The following SASH1 variants were observed in gnomAD, a reference collection of about 807,000 sequenced individuals.
SASH1 encodes the protein SAM and SH3 domain-containing protein 1.
A neutral mutation model predicts 125.2 loss-of-function variants in SASH1; 44 were observed. The ratio of observed to expected loss-of-function variants is 0.35; its 90% CI spans 0.28 to 0.45. SASH1 has a LOEUF of 0.45. Ranked by LOEUF, SASH1 falls within the 20% of genes least tolerant of loss-of-function variation. The pLI, the probability that SASH1 is intolerant of heterozygous loss-of-function variation, is 1.00. For missense variants in SASH1, 1,426 were observed against 1,614.5 expected, an observed-to-expected ratio of 0.88 and a Z score of 2.00; for synonymous variants, 639 against 649.1, an observed-to-expected ratio of 0.98 and a Z score of 0.24.
At chr6:148,476,695 AG>A (rs1778377563) in intron 7 of SASH1, among the ~76,000 whole-genome samples, 1 of 152,160 alleles carries the variant, frequency 6.6e-6, no homozygotes, top group Non-Finnish European at 1.5e-5. Context: ...CCCCAAAAAA[AG>A]GAAGAAGAAA....
chr6:148,358,778 G>A (rs1179962116), intron 1 of SASH1, among the ~76,000 whole-genome samples: 1 of 120,032 alleles, frequency 8.3e-6, no homozygotes, highest in Non-Finnish European at 1.6e-5. Flanking sequence ...CTTCATCACC[G>A]AGGCTGGAGT....
At position 148,546,224 on chromosome 6, in the gene SASH1, C is replaced by T. The variant is rs571357439; in HGVS notation, c.3480+78C>T. 7.3e-4 allele frequency: 1,111 copies of T among 1,515,444 alleles called. 3 individuals are homozygous for T. The highest frequency in any genetic ancestry group is 8.6e-4 in the Non-Finnish European group (962 of 1,121,656). The allele number at this position is 1,515,444 out of a possible 1,614,324, so 93.9% of individuals were successfully genotyped here. ...TAGTGATGACCATACTAACAACTGC[C>T]AAGTAGGCAAGGGCTTGCGTAGCTA... On this transcript the variant is annotated intron_variant, in intron 19 of 19. Coordinates refer to ENST00000367467, the MANE Select transcript of SASH1 (RefSeq NM_015278.5).
chr6:148,331,327 TTTTG>T (rs200103945), intron 1 of SASH1, among the ~76,000 whole-genome samples: 3 of 152,018 alleles, frequency 2.0e-5, no homozygotes, highest in South Asian at 2.1e-4. Flanking sequence ...GAACTTGTGT[TTTTG>T]TTTGTTTGTT....
At chr6:148,248,237 T>C in the SASH1 span, among the ~76,000 whole-genome samples, 265 of 152,288 alleles carry the variant, frequency 1.7e-3, 1 homozygote, top group African/African-American at 6.0e-3. Flanking sequence ...AGAAGCTTGG[T>C]GAGGGTGGTA....
chr6:148,274,817 T>C (rs1353241428), intron 1 of SASH1, among the ~76,000 whole-genome samples: 2 of 152,180 alleles, frequency 1.3e-5, no homozygotes, highest in Non-Finnish European at 2.9e-5. Context: ...GATACCTGGA[T>C]TATAAATTTA....
chr6:148,493,063 A>G (rs1791645413), intron 8 of SASH1, among the ~76,000 whole-genome samples: 1 of 152,106 alleles, frequency 6.6e-6, no homozygotes, highest in South Asian at 2.1e-4. Context: ...CTGAAGAGTG[A>G]CTTCTCTTTT....
intron 1 of SASH1, among the ~76,000 whole-genome samples, chr6:148,330,917 A>G (rs1780977529): frequency 6.6e-6 from 1 of 152,132 alleles, no homozygotes; most frequent in African/African-American, 2.4e-5. Flanking sequence ...CCTAAGCAAA[A>G]AAGAGAAATA....
At chr6:148,520,942 T>TA (rs1780769212) in intron 10 of SASH1, among the ~76,000 whole-genome samples, 1 of 152,260 alleles carries the variant, frequency 6.6e-6, no homozygotes, top group Non-Finnish European at 1.5e-5. Context: ...TTTTTTGTTT[T>TA]ACTTAAGTCT....
the SASH1 span, among the ~76,000 whole-genome samples, chr6:148,216,287 G>A: frequency 2.6e-5 from 4 of 152,088 alleles, no homozygotes; most frequent in South Asian, 2.1e-4. Flanking sequence ...TTTAGCTTCT[G>A]TTCTTTTTCC....
the SASH1 span, among the ~76,000 whole-genome samples, chr6:148,194,445 G>A: frequency 6.6e-6 from 1 of 152,160 alleles, no homozygotes; most frequent in Non-Finnish European, 1.5e-5. Context: ...GTTGCAAACA[G>A]GTAATTTTTA....
the SASH1 span, among the ~76,000 whole-genome samples, chr6:148,242,484 C>T: frequency 1.3e-5 from 2 of 152,252 alleles, no homozygotes; most frequent in East Asian, 3.9e-4. Flanking sequence ...ACAAAGACTC[C>T]AATTTCTAGT....
intron 8 of SASH1, chr6:148,508,523 T>A: frequency 9.7e-7 from 1 of 1,026,648 alleles, no homozygotes; most frequent in Non-Finnish European, 1.2e-6. Flanking sequence ...TTGTTGGCCA[T>A]GCACAACACT....
chr6:148,431,617 GT>G (rs1376446100), intron 2 of SASH1, among the ~76,000 whole-genome samples: 1 of 151,732 alleles, frequency 6.6e-6, no homozygotes, highest in Non-Finnish European at 1.5e-5. Flanking sequence ...TGACTTTCAG[GT>G]TGCCCTGGGA....
the SASH1 span, among the ~76,000 whole-genome samples, chr6:148,245,206 C>G: frequency 3.3e-5 from 5 of 152,246 alleles, no homozygotes; most frequent in Admixed American, 1.3e-4. Flanking sequence ...TCCTCTTTCT[C>G]GACACAAACA....
At chr6:148,229,550 T>C in the SASH1 span, among the ~76,000 whole-genome samples, 1 of 152,208 alleles carries the variant, frequency 6.6e-6, no homozygotes, top group East Asian at 1.9e-4. Flanking sequence ...ACCAGAGTTA[T>C]ACCTCAACAA....
At chr6:148,392,957 G>GA (rs1348190429) in intron 2 of SASH1, among the ~76,000 whole-genome samples, 55 of 151,492 alleles carry the variant, frequency 3.6e-4, no homozygotes, top group Admixed American at 2.9e-3. Flanking sequence ...CATAGTTAAT[G>GA]AAAAAATACT....
At chr6:148,421,170 AAAGAAAG>A (rs1785068134) in intron 2 of SASH1, among the ~76,000 whole-genome samples, 1 of 128,048 alleles carries the variant, frequency 7.8e-6, no homozygotes, top group Non-Finnish European at 1.8e-5. Flanking sequence ...AGAAAGAAAG[AAAGAAAG>A]AAAGAAAGAA....
intron 2 of SASH1, among the ~76,000 whole-genome samples, chr6:148,439,593 A>T (rs151120901): frequency 5.9e-4 from 90 of 152,232 alleles, no homozygotes; most frequent in African/African-American, 2.0e-3. Flanking sequence ...CCTGGCCAAC[A>T]TAGTGAAATC....
intron 2 of SASH1, among the ~76,000 whole-genome samples, chr6:148,404,936 G>A (rs1233151513): frequency 6.6e-6 from 1 of 151,582 alleles, no homozygotes; most frequent in Non-Finnish European, 1.5e-5. Context: ...GTCGCAAGGA[G>A]CTGCAGAATA....
Sources: allele counts gnomAD v4.1 joint callset (sites outside exome capture counted in the v4.1 genomes callset), GRCh38; gene constraint gnomAD v4.1.1; transcripts MANE v1.5; gene names NCBI Gene and HGNC (gene_info 2026-07-23, HGNC 2026-07-21).